The following TARS2 variants were observed in gnomAD, a reference collection of about 807,000 sequenced individuals.
The protein encoded by TARS2 is threonine--tRNA ligase, mitochondrial.
TARS2 carries 61 observed loss-of-function variants against 94.4 expected under a neutral mutation model. The ratio of observed to expected loss-of-function variants is 0.65; its 90% confidence interval spans 0.53 to 0.80. The LOEUF is 0.80. Ranked by LOEUF, TARS2 falls within the 30% of genes least tolerant of loss-of-function variation. The pLI, the probability that TARS2 is intolerant of heterozygous loss-of-function variation, is 0.00. For missense variants in TARS2, 704 were observed against 902.5 expected (o/e 0.78, Z 2.82); for synonymous variants, 359 against 353.4 (o/e 1.02, Z -0.18).
intron 7 of TARS2, among the ~76,000 whole-genome samples, chr1:150,494,706 C>T (rs190906201): frequency 3.3e-5 from 5 of 152,040 alleles, no homozygotes; most frequent in Admixed American, 3.3e-4. Flanking sequence ...CCACTGCACT[C>T]CAGCCTGGGC....
chr1:150,503,714 C>T (rs1192683639), intron 13 of TARS2, among the ~76,000 whole-genome samples: 20 of 147,108 alleles, frequency 1.4e-4, no homozygotes, highest in Admixed American at 6.8e-4. Context: ...TATATACACA[C>T]ACACACACAC....
intron 16 of TARS2, 24 bp downstream of exon 16, chr1:150,505,002 G>A (rs1183722472): frequency 1.2e-6 from 2 of 1,613,250 alleles, no homozygotes; most frequent in African/African-American, 1.3e-5. Flanking sequence ...GTAAGGGAGG[G>A]GGCAGAAGCA....
intron 2 of TARS2, among the ~76,000 whole-genome samples, 171 bp from the exon 3 acceptor site, chr1:150,488,793 C>T (rs932950087): frequency 9.9e-5 from 15 of 152,208 alleles, no homozygotes; most frequent in African/African-American, 3.4e-4. Context: ...TAGCCAACCT[C>T]TTCATCTCCC....
At chr1:150,499,121 C>G in intron 12 of TARS2, 87 bp downstream of exon 12, 1 of 1,610,020 alleles carries the variant, frequency 6.2e-7, no homozygotes, top group Non-Finnish European at 8.5e-7. Context: ...TTCTCAGAGG[C>G]ATCTGGTGAG....
Position 150,492,440 on chromosome 1 carries a change from G to T in TARS2, c.725G>T (p.Gly242Val). ...GCGTLVDLCQ[G>V]PHLRHTGQIG... is the part of the protein sequence containing the mutation. The stretch of plus-strand genomic sequence containing the variant: ...GGCACATTGGTTGACCTTTGCCAGG[G>T]CCCCCACCTTCGGCATACTGGACAG... The change falls in exon 7 of 18, where the codon GGC becomes GTC. Residue 242 changes from glycine to valine, a missense_variant. Physicochemically the swap from Gly to Val is moderately radical, Grantham distance 109 (BLOSUM62 -3). Coordinates refer to ENST00000369064, the MANE Select transcript of TARS2 (RefSeq NM_025150.5). The T allele has an allele frequency of 1.9e-6, 3 of 1,613,944 alleles. No individual in the cohort carries two copies. The highest frequency in any genetic ancestry group is 2.5e-6 in the Non-Finnish European group (3 of 1,179,940).
chr1:150,499,438 A>G, intron 13 of TARS2, 145 bp downstream of exon 13: 1 of 721,644 alleles, frequency 1.4e-6, no homozygotes, highest in Non-Finnish European at 2.2e-6. Flanking sequence ...ATCTCAGCTC[A>G]CTGCAACCTC....
chr1:150,495,685 C>T (rs1252404194), intron 7 of TARS2, among the ~76,000 whole-genome samples: 2 of 150,482 alleles, frequency 1.3e-5, no homozygotes, highest in South Asian at 2.1e-4. Flanking sequence ...TGAGCCACTG[C>T]GCCCGGCCTC....
At position 150,507,143 on chromosome 1, in the gene TARS2, A is replaced by G. The variant is rs770019083; in HGVS notation, c.*79A>G. 111 of 1,575,566 alleles carry G rather than the reference A, an allele frequency of 7.0e-5. No homozygotes were observed. Among genetic ancestry groups the G allele is most frequent in the Admixed American group, 3.2e-4 (18 of 56,432 alleles). The stretch of plus-strand genomic sequence containing the variant: ...ATGGGAGACCCCAACCCAGCTGACA[A>G]TGTGGAGCCCCCAGAACTTCAGAAC... On this transcript the variant is annotated 3_prime_UTR_variant, in exon 18 of 18. Coordinates refer to ENST00000369064, the MANE Select transcript of TARS2 (RefSeq NM_025150.5).
At chr1:150,495,543 G>A (rs1437238886) in intron 7 of TARS2, among the ~76,000 whole-genome samples, 4 of 148,366 alleles carry the variant, frequency 2.7e-5, no homozygotes, top group African/African-American at 7.5e-5. Context: ...TTACAGGCAC[G>A]TGCCACCACA....
intron 17 of TARS2, 76 bp from the exon 18 acceptor site, chr1:150,506,840 A>G (rs867225551): frequency 5.7e-6 from 9 of 1,589,188 alleles, no homozygotes; most frequent in East Asian, 4.5e-5. Context: ...AGGTCTCTCA[A>G]GTTTCTGCAG....
chr1:150,498,941 C>G lies in TARS2; in HGVS notation c.1446C>G (p.Val482=), dbSNP rs151067762. The G allele has an allele frequency of 2.3e-5, 37 of 1,614,240 alleles. No individual in the cohort carries two copies. In the African/African-American group the frequency reaches 4.3e-4, roughly 19 times the overall value. Residue 482 remains valine (V), a synonymous_variant, in exon 12 of 18, where the codon GTC becomes GTG. Coordinates refer to ENST00000369064, the MANE Select transcript of TARS2 (RefSeq NM_025150.5). The stretch of plus-strand genomic sequence containing the variant: ...GCTGTCTTGATTTCCTCCGTTCCGT[C>G]TATGCCGTTCTTGGCTTCTCCTTCC... ...IQSCLDFLRS[V]YAVLGFSFRL...
Position 150,487,846 on chromosome 1 carries a change from C to G in TARS2, c.67-12C>G. 6.2e-7 allele frequency: 1 copy of G among 1,609,944 alleles called. No homozygotes were observed. The highest frequency in any genetic ancestry group is 8.5e-7 in the Non-Finnish European group (1 of 1,178,566). On this transcript the variant is annotated splice_polypyrimidine_tract_variant and intron_variant, in intron 1 of 17. Coordinates refer to ENST00000369064, the MANE Select transcript of TARS2 (RefSeq NM_025150.5). ...GGACGTGTGTTACCTGCTAATATATCTTTCCCTCCAGGCAGTTGTGTCGAC... is the reference window on the plus strand; with the variant it reads ...GGACGTGTGTTACCTGCTAATATATGTTTCCCTCCAGGCAGTTGTGTCGAC...
chr1:150,490,172 G>T (rs1036205515), intron 3 of TARS2, among the ~76,000 whole-genome samples: 1 of 135,970 alleles, frequency 7.4e-6, no homozygotes. Context: ...AGGCTGGAGT[G>T]CAGTGGCGCG....
At chr1:150,503,654 T>C (rs1416263456) in intron 13 of TARS2, among the ~76,000 whole-genome samples, 12 of 150,126 alleles carry the variant, frequency 8.0e-5, no homozygotes, top group African/African-American at 3.0e-4. Flanking sequence ...TATGTGTGTA[T>C]ATATGTGTGT....
chr1:150,500,802 C>T (rs1669880597), intron 13 of TARS2, among the ~76,000 whole-genome samples: 4 of 151,992 alleles, frequency 2.6e-5, no homozygotes, highest in South Asian at 4.2e-4. Flanking sequence ...CCAGCCTGGG[C>T]GACAGAGTGA....
chr1:150,497,880 T>G, intron 10 of TARS2, 133 bp downstream of exon 10: 1 of 898,658 alleles, frequency 1.1e-6, no homozygotes, highest in Non-Finnish European at 1.6e-6. Context: ...TCACCTGAGG[T>G]CGGGAGTTTG....
Position 150,489,090 on chromosome 1 carries a change from A to C in TARS2, c.387+3A>C, listed in dbSNP as rs957830011. On this transcript the variant is annotated splice_donor_region_variant and intron_variant, in intron 3 of 17. Transcript: ENST00000369064. ...TCGATTCCCCAGAGGGGAAAGCAGTAAGTTTCTTTCTTATCAGGAATACAG... is the reference window on the plus strand; with the variant it reads ...TCGATTCCCCAGAGGGGAAAGCAGTCAGTTTCTTTCTTATCAGGAATACAG... 2 of 1,614,130 alleles carry C rather than the reference A, an allele frequency of 1.2e-6. No individual in the cohort carries two copies. Among genetic ancestry groups the C allele is most frequent in the Non-Finnish European group, 1.7e-6 (2 of 1,179,966 alleles).
intron 7 of TARS2, among the ~76,000 whole-genome samples, chr1:150,493,032 A>T (rs976446475): frequency 8.6e-5 from 13 of 151,658 alleles, no homozygotes; most frequent in African/African-American, 3.1e-4. Flanking sequence ...ATAGGTGTGC[A>T]CCACCATGCC....
At chr1:150,503,585 A>ATATGTG (rs1461714331) in intron 13 of TARS2, among the ~76,000 whole-genome samples, 29,606 of 136,830 alleles carry the variant, frequency 0.22, 4,025 homozygotes, top group Non-Finnish European at 0.3. Context: ...GTGTATATAT[A>ATATGTG]TGTGTGTGTG....
Sources: gnomAD v4.1 joint callset for allele counts (sites outside exome capture counted in the v4.1 genomes callset) on GRCh38, gnomAD v4.1.1 for gene constraint, MANE v1.5 for transcripts, NCBI Gene and HGNC (gene_info 2026-07-23, HGNC 2026-07-21) for gene names.